Variants in FLT3 observed in about 807,000 individuals in gnomAD.
The protein encoded by FLT3 is fms related receptor tyrosine kinase 3, also known as receptor-type tyrosine-protein kinase FLT3.
FLT3 carries 46 observed loss-of-function variants against 126.6 expected under a neutral mutation model. The observed-to-expected ratio is 0.36, with a 90% CI of 0.29 to 0.46. The LOEUF (loss-of-function observed/expected upper bound fraction) is 0.46. Ranked by LOEUF, FLT3 falls within the 20% of genes least tolerant of loss-of-function variation. FLT3 has a pLI of 1.00. For synonymous variants in FLT3, 404 were observed against 434.4 expected, an observed-to-expected ratio of 0.93 and a Z score of 0.87; for missense variants, 1,069 against 1,190.3, an observed-to-expected ratio of 0.90 and a Z score of 1.50.
chr13:28,093,967 C>T (rs1040937415), intron 1 of FLT3, among the ~76,000 whole-genome samples: 1 of 152,120 alleles, frequency 6.6e-6, no homozygotes, highest in Non-Finnish European at 1.5e-5. Context: ...GAGAGGCAGG[C>T]AAATCTTGTG....
chr13:28,032,965 G>C (rs748920435), intron 15 of FLT3, among the ~76,000 whole-genome samples: 11 of 152,142 alleles, frequency 7.2e-5, no homozygotes, highest in Admixed American at 1.3e-4. Context: ...GCCAGCAATG[G>C]GGCTGGACGC....
chr13:28,043,038 G>A (rs1040529410), intron 9 of FLT3, among the ~76,000 whole-genome samples: 6 of 151,980 alleles, frequency 3.9e-5, no homozygotes, highest in South Asian at 4.2e-4. Flanking sequence ...TGTTTACCCC[G>A]TAAGCACTCG....
chr13:28,046,542 T>C (rs1874897823), intron 9 of FLT3, among the ~76,000 whole-genome samples: 1 of 152,238 alleles, frequency 6.6e-6, no homozygotes, highest in South Asian at 2.1e-4. Context: ...GAATGCGATA[T>C]ATCCAAAATA....
At chr13:28,057,775 C>A (rs1199761928) in intron 3 of FLT3, among the ~76,000 whole-genome samples, 1 of 152,176 alleles carries the variant, frequency 6.6e-6, no homozygotes, top group East Asian at 1.9e-4. Flanking sequence ...TGCGGTGGCT[C>A]ATACCTGTAA....
intron 1 of FLT3, among the ~76,000 whole-genome samples, chr13:28,091,262 C>T (rs1162351064): frequency 3.4e-5 from 4 of 116,110 alleles, no homozygotes; most frequent in Non-Finnish European, 6.5e-5. Context: ...CGCTCTGTCG[C>T]CCAGGCTGGA....
chr13:28,026,248 G>A (rs1872786280), intron 17 of FLT3, among the ~76,000 whole-genome samples: 1 of 151,444 alleles, frequency 6.6e-6, no homozygotes, highest in Non-Finnish European at 1.5e-5. Context: ...TACTCGGGAG[G>A]CTGAGGCAAG....
intron 5 of FLT3, among the ~76,000 whole-genome samples, chr13:28,051,835 T>TTCACCCGGCCCTATACTG (rs1875510297): frequency 9.9e-5 from 15 of 151,882 alleles, no homozygotes; most frequent in African/African-American, 3.6e-4. Flanking sequence ...CGTGAGCCAC[T>TTCACCCGGCCCTATACTG]GTGCCCAGCC....
At chr13:28,042,186 AAT>A (rs1226650805) in intron 9 of FLT3, among the ~76,000 whole-genome samples, 214 of 143,226 alleles carry the variant, frequency 1.5e-3, no homozygotes, top group East Asian at 9.9e-3. Flanking sequence ...TAATAATAAT[AAT>A]AAATAAAAAT....
At chr13:28,098,941 G>T (rs1219457335) in intron 1 of FLT3, among the ~76,000 whole-genome samples, 1 of 152,150 alleles carries the variant, frequency 6.6e-6, no homozygotes, top group Non-Finnish European at 1.5e-5. Flanking sequence ...TCAGAATAGT[G>T]GCTACCTGGG....
intron 1 of FLT3, among the ~76,000 whole-genome samples, chr13:28,080,052 C>A (rs1878216934): frequency 6.6e-6 from 1 of 152,190 alleles, no homozygotes; most frequent in South Asian, 2.1e-4. Flanking sequence ...CCCCAGGACC[C>A]AAACACCTCC....
chr13:28,005,185 C>A (rs567717865), intron 23 of FLT3, among the ~76,000 whole-genome samples: 1 of 152,236 alleles, frequency 6.6e-6, no homozygotes, highest in African/African-American at 2.4e-5. Flanking sequence ...CAAAACTAGC[C>A]GGGCATGGCG....
In FLT3 at chr13:28,034,528, A is replaced by G. The variant is rs1873657377; in HGVS notation, c.1598-121T>C. The stretch of plus-strand genomic sequence containing the variant: ...AGTAATAATCATTTTCAGTCCTAAC[A>G]ACCACTCTACATATACTCTACTCCC... On this transcript the variant is annotated intron_variant, in intron 12 of 23. Transcript: ENST00000241453. 4.2e-6 allele frequency: 3 copies of G among 719,276 alleles called. No homozygotes were observed. In the South Asian group the frequency reaches 5.2e-5, roughly 13 times the overall value. The allele number at this position is 719,276 out of a possible 1,614,324, so 44.6% of individuals were successfully genotyped here. A position where few individuals can be genotyped will look rare whatever the true frequency, so the allele number is the denominator to read the frequency against.
At chr13:28,075,196 A>G (rs1246964456) in intron 1 of FLT3, among the ~76,000 whole-genome samples, 1 of 152,230 alleles carries the variant, frequency 6.6e-6, no homozygotes, top group African/African-American at 2.4e-5. Context: ...TAATTAACAT[A>G]TACATCATTG....
At chr13:28,038,423 TAACTCGACCTCCAC>T (rs1295261629) in intron 9 of FLT3, among the ~76,000 whole-genome samples, 3 of 151,596 alleles carry the variant, frequency 2.0e-5, no homozygotes, top group Non-Finnish European at 2.9e-5. Flanking sequence ...CGAAGATATC[TAACTCGACCTCCAC>T]ATAGCCTACT....
chr13:28,028,368 C>T, intron 15 of FLT3, 80 bp from the exon 16 acceptor site: 2 of 747,086 alleles, frequency 2.7e-6, no homozygotes, highest in Non-Finnish European at 4.7e-6. Flanking sequence ...TTTTTCTCAG[C>T]TCAGAGTCAA....
At chr13:28,082,087 G>A (rs9554244) in intron 1 of FLT3, among the ~76,000 whole-genome samples, 80,111 of 151,220 alleles carry the variant, frequency 0.53, 22,638 homozygotes, top group East Asian at 0.73. Context: ...AATTCCTGAC[G>A]TCAGGTGATC....
chr13:28,034,152 G>A lies in FLT3; in HGVS notation c.1767C>T (p.Tyr589=), dbSNP rs1189830287. Residue 589 remains tyrosine, a synonymous_variant, in exon 14 of 24, where the codon TAC becomes TAT. Coordinates refer to ENST00000241453, the MANE Select transcript of FLT3 (RefSeq NM_004119.3). ...CATATTCTCTGAAATCAACGTAGAA[G>A]TACTCATTATCTGAGGAGCCGGTCA... is the stretch of plus-strand genomic sequence containing the variant. ...VQVTGSSDNE[Y]FYVDFREYEY... 1.9e-6 allele frequency: 3 copies of A among 1,613,670 alleles called. No individual in the cohort carries two copies. In the African/African-American group the frequency reaches 4.0e-5, roughly 22 times the overall value.
chr13:28,084,612 T>C (rs1425600717), intron 1 of FLT3, among the ~76,000 whole-genome samples: 1 of 152,186 alleles, frequency 6.6e-6, no homozygotes, highest in Non-Finnish European at 1.5e-5. Flanking sequence ...GGTTTTGCCA[T>C]CTTGCCCAGG....
At chr13:28,007,906 T>C (rs1376267080) in intron 23 of FLT3, among the ~76,000 whole-genome samples, 1 of 152,228 alleles carries the variant, frequency 6.6e-6, no homozygotes, top group Non-Finnish European at 1.5e-5. Context: ...ATCGCTATTA[T>C]TTTGCTGTTG....
Sources: allele counts gnomAD v4.1 joint callset (sites outside exome capture counted in the v4.1 genomes callset), GRCh38; gene constraint gnomAD v4.1.1; transcripts MANE v1.5; gene names NCBI Gene and HGNC (gene_info 2026-07-23, HGNC 2026-07-21).